IL1RAPL1: variants seen among roughly 807,000 people sequenced by gnomAD.
IL1RAPL1 encodes the protein interleukin-1 receptor accessory protein-like 1.
In IL1RAPL1, 3 loss-of-function variants were observed where a neutral mutation model predicts 48.4. The observed-to-expected ratio is 0.06, with a 90% CI of 0.03 to 0.16. The LOEUF is 0.16. Ranked by LOEUF, IL1RAPL1 falls within the 10% of genes least tolerant of loss-of-function variation. The pLI is 1.00. For missense variants in IL1RAPL1, 349 were observed against 530.6 expected (o/e 0.66, Z 3.36); for synonymous variants, 185 against 187.7 (o/e 0.99, Z 0.12).
intron 3 of IL1RAPL1, among the ~76,000 whole-genome samples, chrX:29,288,703 A>G (rs1256403489): frequency 8.9e-6 from 1 of 112,085 alleles, no homozygotes; most frequent in African/African-American, 3.2e-5. Context: ...ATCAAATGGT[A>G]TTTCTGTTTC....
chrX:29,659,319 C>T (rs1400545118), intron 5 of IL1RAPL1, among the ~76,000 whole-genome samples: 1 of 112,080 alleles, frequency 8.9e-6, no homozygotes, highest in Non-Finnish European at 1.9e-5. Context: ...TCTTTCCGTG[C>T]CTGGCTTATT....
intron 6 of IL1RAPL1, among the ~76,000 whole-genome samples, chrX:29,744,796 A>G (rs1928292227): frequency 8.9e-6 from 1 of 112,557 alleles, no homozygotes; most frequent in Admixed American, 9.5e-5. Flanking sequence ...ATTTCTTGAA[A>G]GAAATAATTT....
chrX:29,799,440 A>G (rs533935653), intron 6 of IL1RAPL1, among the ~76,000 whole-genome samples: 3 of 112,158 alleles, frequency 2.7e-5, no homozygotes, highest in Non-Finnish European at 3.8e-5. Flanking sequence ...CAGAATGCCA[A>G]TATTACGATT....
intron 6 of IL1RAPL1, among the ~76,000 whole-genome samples, chrX:29,791,228 C>T (rs994717231): frequency 1.0e-4 from 11 of 110,362 alleles, no homozygotes; most frequent in African/African-American, 3.6e-4. Context: ...CTCCCCCAAC[C>T]CCATTACAAG....
chrX:29,561,108 A>G (rs1234141083), intron 5 of IL1RAPL1, among the ~76,000 whole-genome samples: 1 of 112,121 alleles, frequency 8.9e-6, no homozygotes, highest in African/African-American at 3.2e-5. Context: ...CCTCTTCAAG[A>G]AGAAGCTTTA....
intron 2 of IL1RAPL1, among the ~76,000 whole-genome samples, chrX:29,178,792 C>T (rs868039185): frequency 8.9e-5 from 10 of 111,831 alleles, no homozygotes; most frequent in African/African-American, 2.6e-4. Context: ...AGGAAGGGAT[C>T]CAGTTTCAGC....
At chrX:29,192,581 G>A (rs1433892965) in intron 2 of IL1RAPL1, among the ~76,000 whole-genome samples, 1 of 111,790 alleles carries the variant, frequency 8.9e-6, no homozygotes, top group African/African-American at 3.2e-5. Context: ...AACATTGAAT[G>A]CCATTTTAAG....
chrX:28,862,526 G>A (rs1346366428), intron 2 of IL1RAPL1, among the ~76,000 whole-genome samples: 2 of 111,473 alleles, frequency 1.8e-5, no homozygotes, highest in East Asian at 2.8e-4. Context: ...GTGCCAAAAC[G>A]TTCATAGAGG....
intron 1 of IL1RAPL1, among the ~76,000 whole-genome samples, chrX:28,736,645 A>G (rs1352115441): frequency 9.0e-6 from 1 of 111,618 alleles, no homozygotes; most frequent in Non-Finnish European, 1.9e-5. Flanking sequence ...AACTCTCCCC[A>G]TTGTTCTTAA....
intron 6 of IL1RAPL1, among the ~76,000 whole-genome samples, chrX:29,879,310 A>C (rs776358230): frequency 2.0e-4 from 21 of 107,183 alleles, no homozygotes; most frequent in African/African-American, 6.1e-4. Context: ...GGGGGTGATG[A>C]AACTGTTCTG....
At chrX:28,592,263 G>A (rs1933914215) in intron 1 of IL1RAPL1, among the ~76,000 whole-genome samples, 1 of 111,821 alleles carries the variant, frequency 8.9e-6, no homozygotes, top group Admixed American at 9.5e-5. Flanking sequence ...TTTAAAAAAT[G>A]CTTCTGAGTA....
intron 2 of IL1RAPL1, among the ~76,000 whole-genome samples, chrX:29,003,909 A>G (rs905281717): frequency 2.2e-4 from 25 of 112,241 alleles, no homozygotes; most frequent in African/African-American, 8.1e-4. Context: ...TGGGCAGCCA[A>G]GGCAGCTGGA....
At chrX:28,875,467 A>G (rs1922344955) in intron 2 of IL1RAPL1, among the ~76,000 whole-genome samples, 1 of 112,491 alleles carries the variant, frequency 8.9e-6, no homozygotes, top group African/African-American at 3.2e-5. Flanking sequence ...CTGAAAAAAC[A>G]AAAGATGTGT....
chrX:29,303,147 A>G (rs1165308030), intron 3 of IL1RAPL1, among the ~76,000 whole-genome samples: 1 of 111,561 alleles, frequency 9.0e-6, no homozygotes, highest in Non-Finnish European at 1.9e-5. Flanking sequence ...TGAGGGTGTC[A>G]CGTATTTGTA....
chrX:29,669,120 C>T (rs759824854), intron 6 of IL1RAPL1, among the ~76,000 whole-genome samples: 1 of 111,045 alleles, frequency 9.0e-6, no homozygotes, highest in Admixed American at 9.6e-5. Context: ...AGAGGTTCAT[C>T]TAGAAATTTT....
intron 1 of IL1RAPL1, among the ~76,000 whole-genome samples, chrX:28,768,993 G>C (rs942616247): frequency 2.8e-5 from 3 of 107,427 alleles, no homozygotes; most frequent in Non-Finnish European, 5.8e-5. Context: ...AAATGATCAA[G>C]AGTTCCATAG....
chrX:29,235,654 T>A (rs1171255947), intron 2 of IL1RAPL1, among the ~76,000 whole-genome samples: 1 of 112,017 alleles, frequency 8.9e-6, no homozygotes, highest in Non-Finnish European at 1.9e-5. Context: ...GGAAAACTGA[T>A]TTTAAAAAAA....
chrX:29,952,934 T>A (rs1933346687), intron 9 of IL1RAPL1, among the ~76,000 whole-genome samples: 2 of 111,629 alleles, frequency 1.8e-5, no homozygotes, highest in South Asian at 7.5e-4. Context: ...CTTTTCTGAG[T>A]TTGCCCTGAA....
intron 6 of IL1RAPL1, among the ~76,000 whole-genome samples, chrX:29,739,006 C>T (rs937162110): frequency 4.5e-5 from 5 of 112,105 alleles, no homozygotes. Flanking sequence ...TAATAACAGC[C>T]GACCTGAACA....
Sources: gnomAD v4.1 joint callset for allele counts (sites outside exome capture counted in the v4.1 genomes callset) on GRCh38, gnomAD v4.1.1 for gene constraint, MANE v1.5 for transcripts, NCBI Gene and HGNC (gene_info 2026-07-23, HGNC 2026-07-21) for gene names.